Variants in GAB1 observed in about 807,000 individuals in gnomAD.
The protein encoded by GAB1 is GRB2-associated-binding protein 1.
Under a neutral mutation model 66.5 loss-of-function variants are expected in GAB1, and 19 were observed. The observed-to-expected ratio is 0.29, with a 90% confidence interval of 0.20 to 0.42. GAB1 has a LOEUF of 0.42. Ranked by LOEUF, GAB1 falls within the 10% of genes least tolerant of loss-of-function variation. The probability of loss-of-function intolerance (pLI) is 1.00; values close to 1 mark genes in which losing one functional copy is unlikely to be tolerated. For missense variants in GAB1, 732 were observed against 858.5 expected (o/e 0.85, Z 1.84); for synonymous variants, 294 against 301.4 (o/e 0.98, Z 0.25).
intron 1 of GAB1, among the ~76,000 whole-genome samples, chr4:143,386,757 G>T (rs1201591578): frequency 6.6e-6 from 1 of 152,188 alleles, no homozygotes; most frequent in African/African-American, 2.4e-5. Flanking sequence ...ACTGCAACCT[G>T]TCAAATGAGG....
intron 1 of GAB1, chr4:143,350,170 T>A: frequency 2.9e-6 from 2 of 696,318 alleles, no homozygotes; most frequent in Non-Finnish European, 4.9e-6. Flanking sequence ...ATTAAGACAC[T>A]TTTTGTGTGC....
chr4:143,433,730 G>A lies in GAB1; in HGVS notation c.593+14G>A, dbSNP rs769756480. The A allele has an allele frequency of 8.9e-6, 14 of 1,577,236 alleles. No homozygotes were observed. The highest frequency in any genetic ancestry group is 1.1e-5 in the South Asian group (1 of 90,300). ...CGAACCCACCAGGTAAATTATATAT[G>A]CCCATGTGAGAGAGAGACAGAGGCG... On this transcript the variant is annotated intron_variant, in intron 3 of 9. Transcript: ENST00000262994.
At chr4:143,337,357 G>T (rs891188460) in intron 1 of GAB1, 97 bp downstream of exon 1, 1 of 1,012,054 alleles carries the variant, frequency 9.9e-7, no homozygotes. Context: ...CGCGGGGCTG[G>T]TTCTTAAACG....
At chr4:143,353,958 ATTATTG>A (rs1448518759) in intron 1 of GAB1, among the ~76,000 whole-genome samples, 5 of 152,304 alleles carry the variant, frequency 3.3e-5, no homozygotes, top group East Asian at 3.9e-4. Flanking sequence ...GTTGAGGATC[ATTATTG>A]TTATTGTACG....
chr4:143,392,766 G>A (rs1424022907), intron 1 of GAB1, among the ~76,000 whole-genome samples: 1 of 152,028 alleles, frequency 6.6e-6, no homozygotes. Context: ...GCATTTGTGT[G>A]GTATACAGAT....
At chr4:143,344,209 G>A (rs1238465551) in intron 1 of GAB1, among the ~76,000 whole-genome samples, 2 of 152,152 alleles carry the variant, frequency 1.3e-5, no homozygotes, top group Non-Finnish European at 2.9e-5. Flanking sequence ...TTGGGCTAGC[G>A]TCTTATTTCG....
intron 1 of GAB1, among the ~76,000 whole-genome samples, chr4:143,393,069 A>G (rs1731260822): frequency 6.6e-6 from 1 of 152,040 alleles, no homozygotes; most frequent in Non-Finnish European, 1.5e-5. Context: ...AGCTGCTTAC[A>G]TTGAATCTTT....
intron 6 of GAB1, among the ~76,000 whole-genome samples, chr4:143,441,902 T>C (rs1734263165): frequency 6.6e-6 from 1 of 152,190 alleles, no homozygotes; most frequent in Admixed American, 6.5e-5. Flanking sequence ...TTTAGATTGC[T>C]TAGAGATGAT....
At chr4:143,357,583 G>A (rs1399620585) in intron 1 of GAB1, among the ~76,000 whole-genome samples, 1 of 152,154 alleles carries the variant, frequency 6.6e-6, no homozygotes, top group African/African-American at 2.4e-5. Flanking sequence ...CTGTTGTGAA[G>A]GGTGGGTAGG....
intron 1 of GAB1, among the ~76,000 whole-genome samples, chr4:143,353,534 G>T (rs533494490): frequency 6.6e-6 from 1 of 151,844 alleles, no homozygotes; most frequent in Non-Finnish European, 1.5e-5. Context: ...CCTAGCAGAG[G>T]AATAAAGTAC....
intron 2 of GAB1, among the ~76,000 whole-genome samples, chr4:143,427,440 A>G (rs762853746): frequency 6.6e-6 from 1 of 152,092 alleles, no homozygotes; most frequent in Admixed American, 6.6e-5. Flanking sequence ...AAAAACATGT[A>G]TGAAAACAGA....
At chr4:143,357,669 T>G (rs183025146) in intron 1 of GAB1, among the ~76,000 whole-genome samples, 15 of 152,270 alleles carry the variant, frequency 9.9e-5, no homozygotes, top group Admixed American at 7.9e-4. Context: ...TGTGGTAGTT[T>G]CCATAGTTTG....
intron 1 of GAB1, among the ~76,000 whole-genome samples, chr4:143,360,127 A>G (rs1729603719): frequency 6.6e-6 from 1 of 152,184 alleles, no homozygotes; most frequent in South Asian, 2.1e-4. Context: ...ATCTAACTTT[A>G]TATGAATCCT....
intron 6 of GAB1, among the ~76,000 whole-genome samples, chr4:143,451,493 TATATTTA>T (rs1734929449): frequency 6.6e-6 from 1 of 152,152 alleles, no homozygotes; most frequent in Admixed American, 6.5e-5. Flanking sequence ...TTAAGATTTA[TATATTTA>T]AATCTTAAGT....
At chr4:143,374,931 TG>T (rs1730346739) in intron 1 of GAB1, among the ~76,000 whole-genome samples, 1 of 152,176 alleles carries the variant, frequency 6.6e-6, no homozygotes. Flanking sequence ...CAGTGATTCT[TG>T]GAATACTTTT....
In GAB1 at chr4:143,354,707, A is replaced by C. The variant is rs569956820; in HGVS notation, c.72+17447A>C. Among the ~76,000 whole-genome samples the C allele has an allele frequency of 2.6e-5, 4 of 152,298 alleles. No homozygotes were observed. In the East Asian group the frequency reaches 7.7e-4, roughly 29 times the overall value. ...AGAAAATGTGCATAGATTCACTTAA[A>C]ATGTGTAGTACATTGTTATTCATTA... On this transcript the variant is annotated intron_variant, in intron 1 of 9. Transcript: ENST00000262994.
At position 143,413,824 on chromosome 4, in the gene GAB1, C is replaced by CTTT. The variant is rs35422180; in HGVS notation, c.73-1631_73-1629dup. On this transcript the variant is annotated intron_variant, in intron 1 of 9. Transcript: ENST00000262994. ...AGAGCATCCCCACCACCCCGCTGCCCTTTTTTTTTTTTTTTTTTTTTTTTG... is the reference window on the plus strand; with the variant it reads ...AGAGCATCCCCACCACCCCGCTGCCCTTTTTTTTTTTTTTTTTTTTTTTTTTTG... Among the ~76,000 whole-genome samples, 128 of 67,750 alleles carry CTTT rather than the reference C, an allele frequency of 1.9e-3. 1 individual carries two copies. The highest frequency in any genetic ancestry group is 3.2e-3 in the East Asian group (9 of 2,834). The allele number at this position is 67,750 out of a possible 152,430, so 44.4% of individuals were successfully genotyped here.
chr4:143,405,547 C>G (rs916468584), intron 1 of GAB1, among the ~76,000 whole-genome samples: 1 of 152,192 alleles, frequency 6.6e-6, no homozygotes, highest in Non-Finnish European at 1.5e-5. Flanking sequence ...TAGTGAAGAA[C>G]AGAGACAGCA....
At chr4:143,466,651 G>A in intron 9 of GAB1, among the ~76,000 whole-genome samples, 1 of 151,226 alleles carries the variant, frequency 6.6e-6, no homozygotes, top group Admixed American at 6.6e-5. Context: ...CACCACTCCT[G>A]GCTAATTTTT....
Sources: allele counts gnomAD v4.1 joint callset (sites outside exome capture counted in the v4.1 genomes callset), GRCh38; gene constraint gnomAD v4.1.1; transcripts MANE v1.5; gene names NCBI Gene and HGNC (gene_info 2026-07-23, HGNC 2026-07-21).